The following DCC variants were observed in gnomAD, a reference collection of about 807,000 sequenced individuals.
DCC encodes the protein netrin receptor DCC.
DCC carries 58 observed loss-of-function variants against 172.5 expected under a neutral mutation model. The ratio of observed to expected loss-of-function variants is 0.34; its 90% CI spans 0.27 to 0.42. The LOEUF (loss-of-function observed/expected upper bound fraction) is 0.42. Ranked by LOEUF, DCC falls within the 10% of genes least tolerant of loss-of-function variation. The pLI, the probability that DCC is intolerant of heterozygous loss-of-function variation, is 1.00. For synonymous variants in DCC, 709 were observed against 644.5 expected, an observed-to-expected ratio of 1.10 and a Z score of -1.52; for missense variants, 1,740 against 1,791.0, an observed-to-expected ratio of 0.97 and a Z score of 0.51.
chr18:52,692,811 T>A (rs1251032481), intron 1 of DCC, among the ~76,000 whole-genome samples: 1 of 152,092 alleles, frequency 6.6e-6, no homozygotes, highest in Non-Finnish European at 1.5e-5. Flanking sequence ...ATACCATTTA[T>A]TAAAGTGAGA....
chr18:53,319,721 C>G (rs1014057100), intron 13 of DCC, among the ~76,000 whole-genome samples: 4 of 152,200 alleles, frequency 2.6e-5, no homozygotes, highest in East Asian at 1.9e-4. Flanking sequence ...CTGGAGCTCT[C>G]AAGCTAAGTC....
chr18:52,519,134 C>T (rs1005320761), intron 1 of DCC, among the ~76,000 whole-genome samples: 1 of 152,130 alleles, frequency 6.6e-6, no homozygotes, highest in Non-Finnish European at 1.5e-5. Flanking sequence ...CTCTGCATGC[C>T]TTAGAAAAAA....
intron 7 of DCC, among the ~76,000 whole-genome samples, chr18:53,090,789 C>T (rs2042996687): frequency 7.5e-6 from 1 of 133,130 alleles, no homozygotes; most frequent in South Asian, 2.5e-4. Flanking sequence ...AATTGAGTTA[C>T]AAAGCTTAAT....
intron 1 of DCC, among the ~76,000 whole-genome samples, chr18:52,430,336 G>A (rs1303163182): frequency 6.9e-6 from 1 of 145,464 alleles, no homozygotes; most frequent in African/African-American, 2.6e-5. Flanking sequence ...CTGGACCAAG[G>A]CAACGGTGGT....
rs772801574 is a variant in DCC at position 53,459,445 on chromosome 18, C to T, written c.3606C>T (p.Ser1202=). 2.5e-6 allele frequency: 4 copies of T among 1,607,120 alleles called. No individual in the cohort carries two copies. The East Asian group carries it at 6.7e-5, about 27-fold the overall frequency. ...CAGAAACCCAACTGGGAAGCAAAAG[C>T]ACCTCTCATTCAGGTAATTATCTTT... ...SQSETQLGSK[S]TSHSGQDTEE... The change falls in exon 24 of 29, where the codon AGC becomes AGT. Residue 1202 remains serine, a synonymous_variant. Coordinates refer to ENST00000442544, the MANE Select transcript of DCC (RefSeq NM_005215.4).
chr18:53,529,519 A>C (rs2144632479), intron 28 of DCC, among the ~76,000 whole-genome samples: 1 of 152,340 alleles, frequency 6.6e-6, no homozygotes, highest in Admixed American at 6.5e-5. Context: ...ACTAACATCT[A>C]CTGAACACTT....
At chr18:53,387,293 G>A (rs1908232450) in intron 16 of DCC, among the ~76,000 whole-genome samples, 1 of 152,112 alleles carries the variant, frequency 6.6e-6, no homozygotes, top group African/African-American at 2.4e-5. Context: ...GTTATGTCAT[G>A]GCCTTTAGAA....
chr18:53,373,696 A>G (rs549122422), intron 15 of DCC, among the ~76,000 whole-genome samples: 1 of 152,256 alleles, frequency 6.6e-6, no homozygotes, highest in East Asian at 1.9e-4. Context: ...GGTGTTCATG[A>G]GTTGAGTATA....
Position 53,501,967 on chromosome 18 carries a change from A to G in DCC, c.4111+2457A>G, listed in dbSNP as rs1303843844. 2.6e-5 allele frequency among the ~76,000 whole-genome samples: 4 copies of G among 152,228 alleles called. No individual in the cohort carries two copies. In the South Asian group the frequency reaches 8.3e-4, roughly 32 times the overall value. On this transcript the variant is annotated intron_variant, in intron 27 of 28. Transcript: ENST00000442544. The stretch of plus-strand genomic sequence containing the variant: ...GCAGTATAAGTGGATTATGTCCTTC[A>G]TAGAAGGGAAGTAGAATCAGTTGTG...
chr18:52,711,967 A>ATT (rs74178681), intron 1 of DCC, among the ~76,000 whole-genome samples: 10,144 of 147,348 alleles, frequency 0.069, 379 homozygotes, highest in South Asian at 0.15. Context: ...TTCCCACTTA[A>ATT]TTTTTTTTTT....
At chr18:53,066,988 C>A (rs1275245641) in intron 7 of DCC, among the ~76,000 whole-genome samples, 3 of 152,008 alleles carry the variant, frequency 2.0e-5, no homozygotes, top group African/African-American at 7.3e-5. Context: ...CTCATGAGAA[C>A]TCAGTCACTA....
At chr18:52,955,485 A>G (rs1381010039) in intron 5 of DCC, among the ~76,000 whole-genome samples, 1 of 152,054 alleles carries the variant, frequency 6.6e-6, no homozygotes, top group Non-Finnish European at 1.5e-5. Flanking sequence ...AATTTTGGCA[A>G]TTGTGAATAG....
chr18:53,123,569 GA>G (rs1031865195), intron 7 of DCC, among the ~76,000 whole-genome samples: 3 of 152,050 alleles, frequency 2.0e-5, no homozygotes, highest in Admixed American at 2.0e-4. Flanking sequence ...TATTCCTCTT[GA>G]AATAATTTAA....
At chr18:53,324,645 A>G (rs2057447920) in intron 14 of DCC, among the ~76,000 whole-genome samples, 1 of 152,166 alleles carries the variant, frequency 6.6e-6, no homozygotes, top group Non-Finnish European at 1.5e-5. Context: ...TCCTGAATAG[A>G]GCCTAATTGG....
intron 1 of DCC, among the ~76,000 whole-genome samples, chr18:52,729,888 A>G (rs953965334): frequency 3.3e-5 from 5 of 152,308 alleles, no homozygotes; most frequent in African/African-American, 4.8e-5. Flanking sequence ...TTTCAGAGGA[A>G]GACAGAGACA....
intron 2 of DCC, among the ~76,000 whole-genome samples, chr18:52,865,959 C>A (rs1312558149): frequency 2.1e-5 from 3 of 143,920 alleles, no homozygotes; most frequent in African/African-American, 7.7e-5. Flanking sequence ...GTTATGAAGT[C>A]TTTGCCCATT....
chr18:53,263,229 G>A (rs926146645), intron 12 of DCC, among the ~76,000 whole-genome samples: 9 of 152,180 alleles, frequency 5.9e-5, no homozygotes, highest in African/African-American at 1.9e-4. Flanking sequence ...TCAGCTCACT[G>A]CAGCCTCCGC....
At chr18:53,400,943 AAAAGAC>A (rs1189614508) in intron 18 of DCC, among the ~76,000 whole-genome samples, 1 of 152,160 alleles carries the variant, frequency 6.6e-6, no homozygotes, top group Non-Finnish European at 1.5e-5. Context: ...TCACTAGTAA[AAAAGAC>A]AAAGATTTTA....
intron 23 of DCC, among the ~76,000 whole-genome samples, chr18:53,450,930 C>G (rs368454716): frequency 1.3e-5 from 2 of 152,272 alleles, no homozygotes; most frequent in East Asian, 3.9e-4. Flanking sequence ...TTCAAGTGAG[C>G]GCAGGTGTTC....
Sources: allele counts gnomAD v4.1 joint callset (sites outside exome capture counted in the v4.1 genomes callset), GRCh38; gene constraint gnomAD v4.1.1; transcripts MANE v1.5; gene names NCBI Gene and HGNC (gene_info 2026-07-23, HGNC 2026-07-21).